SCG3: variants seen among roughly 807,000 people sequenced by gnomAD.
The protein encoded by SCG3 is secretogranin-3.
SCG3 carries 38 observed loss-of-function variants against 56.2 expected under a neutral mutation model. The observed-to-expected ratio is 0.68, with a 90% CI of 0.52 to 0.89. SCG3 has a LOEUF of 0.89. SCG3 is among the 40% of genes least tolerant of loss of function. SCG3 has a pLI of 0.00. For missense variants in SCG3, 524 were observed against 540.7 expected (o/e 0.97, Z 0.31); for synonymous variants, 176 against 184.2 (o/e 0.96, Z 0.36).
intron 10 of SCG3, among the ~76,000 whole-genome samples, chr15:51,703,586 A>T (rs1174382963): frequency 6.6e-6 from 1 of 152,136 alleles, no homozygotes; most frequent in African/African-American, 2.4e-5. Context: ...TTCTATACCC[A>T]CTCTGAATTT....
Position 51,692,330 on chromosome 15 carries a change from G to C in SCG3, c.862G>C (p.Asp288His). Residue 288 changes from aspartate (D) to histidine (H), a missense_variant, in exon 7 of 12, where the codon GAT becomes CAT. Physicochemically the swap from Asp to His is moderately conservative, Grantham distance 81 (BLOSUM62 -1). Coordinates refer to ENST00000220478, the MANE Select transcript of SCG3 (RefSeq NM_013243.4). The stretch of plus-strand genomic sequence containing the variant: ...TTTCTATGCGCTACTGAAAAGTATT[G>C]ATTCAGGTAACCACTGTGTGGTTGT... ...PNFYALLKSI[D>H]SEKEAKEKET... is the part of the protein sequence containing the mutation. The C allele has an allele frequency of 6.2e-7, 1 of 1,613,110 alleles. No individual in the cohort carries two copies. The highest frequency in any genetic ancestry group is 8.5e-7 in the Non-Finnish European group (1 of 1,179,526).
At chr15:51,698,778 C>T (rs2055320570) in intron 8 of SCG3, among the ~76,000 whole-genome samples, 1 of 151,532 alleles carries the variant, frequency 6.6e-6, no homozygotes, top group African/African-American at 2.4e-5. Context: ...CCTCACAGCA[C>T]ATCAATCCCA....
At chr15:51,682,719 G>T in intron 2 of SCG3, 150 bp downstream of exon 2, 1 of 572,856 alleles carries the variant, frequency 1.7e-6, no homozygotes, top group Non-Finnish European at 3.0e-6. Context: ...GGGAAATCTA[G>T]TTTTGGTAAA....
chr15:51,711,592 C>A (rs1276976660), intron 10 of SCG3, among the ~76,000 whole-genome samples: 1 of 152,222 alleles, frequency 6.6e-6, no homozygotes, highest in South Asian at 2.1e-4. Context: ...GTTCAAAATA[C>A]CTTATCTAAC....
intron 11 of SCG3, among the ~76,000 whole-genome samples, chr15:51,714,288 G>A (rs993040432): frequency 2.0e-5 from 3 of 152,136 alleles, no homozygotes; most frequent in African/African-American, 7.2e-5. Flanking sequence ...GGCCTAATTA[G>A]GTTAAGAGCT....
intron 11 of SCG3, among the ~76,000 whole-genome samples, chr15:51,717,663 A>G (rs2055466963): frequency 6.6e-6 from 1 of 152,258 alleles, no homozygotes; most frequent in Non-Finnish European, 1.5e-5. Context: ...GAAGTCTGGA[A>G]CAGTCTGAAG....
At chr15:51,703,581 T>A (rs1411938930) in intron 10 of SCG3, among the ~76,000 whole-genome samples, 1 of 152,224 alleles carries the variant, frequency 6.6e-6, no homozygotes, top group Non-Finnish European at 1.5e-5. Context: ...GGATATTCTA[T>A]ACCCACTCTG....
rs562038017 is a variant in SCG3, at chr15:51,710,998, G to A, written c.1208-2335G>A. On this transcript the variant is annotated intron_variant, in intron 10 of 11. Coordinates refer to ENST00000220478, the MANE Select transcript of SCG3 (RefSeq NM_013243.4). ...CTTCATTGGGAAGTGACCCCAGGAA[G>A]CACCACTGCAGGGTAGGTACATGAG... Among the ~76,000 whole-genome samples the A allele has an allele frequency of 9.2e-5, 14 of 152,274 alleles. No individual in the cohort carries two copies. In the East Asian group the frequency reaches 2.7e-3, roughly 29 times the overall value.
At chr15:51,692,857 T>A (rs1030962475) in intron 7 of SCG3, among the ~76,000 whole-genome samples, 3 of 149,218 alleles carry the variant, frequency 2.0e-5, no homozygotes, top group Non-Finnish European at 4.5e-5. Context: ...ATAGTTAACA[T>A]TTTTTTCTTT....
At chr15:51,703,400 T>G (rs1195340458) in intron 10 of SCG3, among the ~76,000 whole-genome samples, 1 of 152,234 alleles carries the variant, frequency 6.6e-6, no homozygotes, top group African/African-American at 2.4e-5. Context: ...TTCCTTTTTA[T>G]ATTACTATTA....
intron 7 of SCG3, chr15:51,693,182 T>A (rs1045184076): frequency 2.0e-5 from 3 of 152,238 alleles, no homozygotes; most frequent in South Asian, 4.1e-4. Context: ...ATACATGTTG[T>A]CATACACACA....
chr15:51,693,231 T>A (rs1243282033), intron 7 of SCG3: 2 of 152,230 alleles, frequency 1.3e-5, no homozygotes, highest in African/African-American at 2.4e-5. Flanking sequence ...TTGTAACAAA[T>A]CTTTCTTTAA....
chr15:51,691,682 C>T (rs2055267661), intron 6 of SCG3, among the ~76,000 whole-genome samples: 2 of 152,186 alleles, frequency 1.3e-5, no homozygotes, highest in Non-Finnish European at 2.9e-5. Context: ...AGATTTTGTA[C>T]ACTCATCCAG....
chr15:51,689,400 GGTGTGTGTGTGT>G (rs3841591), intron 6 of SCG3, 32 bp downstream of exon 6: 185 of 1,177,414 alleles, frequency 1.6e-4, no homozygotes, highest in Non-Finnish European at 2.0e-4. Flanking sequence ...TATGCATGGG[GGTGTGTGTGTGT>G]GTGTGTGTGT....
chr15:51,708,016 G>A (rs1020890235), intron 10 of SCG3: 16 of 152,278 alleles, frequency 1.1e-4, no homozygotes, highest in Non-Finnish European at 2.4e-4. Flanking sequence ...ACAAATTCAT[G>A]TTTAGAAAAG....
At chr15:51,714,947 C>A (rs926679950) in intron 11 of SCG3, among the ~76,000 whole-genome samples, 2 of 152,192 alleles carry the variant, frequency 1.3e-5, no homozygotes, top group Non-Finnish European at 2.9e-5. Context: ...CATTAAATTA[C>A]AACATGCCAT....
chr15:51,684,106 TA>T (rs2055213173), intron 4 of SCG3, among the ~76,000 whole-genome samples: 1 of 152,220 alleles, frequency 6.6e-6, no homozygotes, highest in South Asian at 2.1e-4. Flanking sequence ...TCCAGTTTTT[TA>T]AAGACAGAAA....
At chr15:51,695,852 A>C (rs766731370) in intron 7 of SCG3, 23 bp from the exon 8 acceptor site, 12 of 1,277,362 alleles carry the variant, frequency 9.4e-6, no homozygotes, top group Admixed American at 1.8e-5. Flanking sequence ...CACAGTTTTA[A>C]GTTATTTTGT....
intron 10 of SCG3, among the ~76,000 whole-genome samples, chr15:51,702,287 C>T (rs2141572115): frequency 6.6e-6 from 1 of 152,160 alleles, no homozygotes; most frequent in South Asian, 2.1e-4. Context: ...AGTGGAGTCT[C>T]CCTCTGTTGC....
Sources: allele counts gnomAD v4.1 joint callset (sites outside exome capture counted in the v4.1 genomes callset), GRCh38; gene constraint gnomAD v4.1.1; transcripts MANE v1.5; gene names NCBI Gene and HGNC (gene_info 2026-07-23, HGNC 2026-07-21).